The following AP2A2 variants were observed in gnomAD, a reference collection of about 807,000 sequenced individuals.
AP2A2 encodes the protein adaptor related protein complex 2 subunit alpha 2, also known as AP-2 complex subunit alpha-2.
A neutral mutation model predicts 104.2 loss-of-function variants in AP2A2; 32 were observed. That is an observed-to-expected ratio of 0.31 (90% CI 0.23 to 0.41). AP2A2 has a LOEUF of 0.41. Among genes scored for constraint, AP2A2 ranks in the 10% least tolerant of loss-of-function variants. The pLI is 1.00. For missense variants in AP2A2, 912 were observed against 1,261.0 expected (o/e 0.72, Z 4.19); for synonymous variants, 539 against 533.3 (o/e 1.01, Z -0.15).
At chr11:1,005,575 G>A (rs1856176461) in intron 16 of AP2A2, among the ~76,000 whole-genome samples, 1 of 152,250 alleles carries the variant, frequency 6.6e-6, no homozygotes, top group Admixed American at 6.5e-5. Flanking sequence ...TGTGGCTGCA[G>A]GGGCCCTGGC....
chr11:971,026 A>C lies in AP2A2; in HGVS notation c.279+715A>C, dbSNP rs370520670. 1.5e-4 allele frequency among the ~76,000 whole-genome samples: 23 copies of C among 152,350 alleles called. No individual in the cohort carries two copies. In the East Asian group the frequency reaches 1.5e-3, roughly 10 times the overall value. Reference sequence around the variant, plus strand: ...TAATATTTTCTTCCATTTGTCAAAAAATTTAACTTAGAGAAATTAAGAGAG... The same window carrying C: ...TAATATTTTCTTCCATTTGTCAAAACATTTAACTTAGAGAAATTAAGAGAG... On this transcript the variant is annotated intron_variant, in intron 3 of 21. Coordinates refer to ENST00000448903, the MANE Select transcript of AP2A2 (RefSeq NM_012305.4).
At chr11:982,534 T>C (rs1433778436) in intron 6 of AP2A2, among the ~76,000 whole-genome samples, 1 of 152,214 alleles carries the variant, frequency 6.6e-6, no homozygotes, top group East Asian at 1.9e-4. Flanking sequence ...TTTAGAATTT[T>C]GTTGTTGTCG....
intron 1 of AP2A2, chr11:933,522 G>A (rs1459655186): frequency 2.2e-6 from 1 of 456,264 alleles, no homozygotes. Flanking sequence ...GGGGGCTGAA[G>A]CTGTGTGGTA....
chr11:983,668 C>T (rs1294707319), intron 6 of AP2A2, among the ~76,000 whole-genome samples: 1 of 152,018 alleles, frequency 6.6e-6, no homozygotes, highest in Non-Finnish European at 1.5e-5. Context: ...CAGGCGGGAG[C>T]CACCGCACCT....
rs189510922 is a variant in AP2A2 at position 965,308 on chromosome 11, G to A, written c.137-4861G>A. Among the ~76,000 whole-genome samples the A allele has an allele frequency of 7.9e-5, 12 of 152,240 alleles. No homozygotes were observed. The East Asian group carries it at 2.1e-3, about 27-fold the overall frequency. On this transcript the variant is annotated intron_variant, in intron 2 of 21. Transcript: ENST00000448903. ...GAAAGAATGGAATGGGCAGGACAGCGGGAGATGTGTAGGTAACGCCAGTGT... is the reference window on the plus strand; with the variant it reads ...GAAAGAATGGAATGGGCAGGACAGCAGGAGATGTGTAGGTAACGCCAGTGT...
At chr11:975,665 C>T (rs1173976594) in intron 4 of AP2A2, among the ~76,000 whole-genome samples, 9 of 142,586 alleles carry the variant, frequency 6.3e-5, no homozygotes, top group African/African-American at 1.3e-4. Context: ...TCGTGTGAGC[C>T]GACCTCGGAG....
chr11:935,603 G>GTTTTTTTTTTTTTTT lies in AP2A2; in HGVS notation c.67+9523_67+9537dup, dbSNP rs757190222. ...AAGTGTGAGCCACTGTGCCCGGCCA[G>GTTTTTTTTTTTTTTT]TTTTTTTTTTTTTTTTTTTTTTGAG... On this transcript the variant is annotated intron_variant, in intron 1 of 21. Coordinates refer to ENST00000448903, the MANE Select transcript of AP2A2 (RefSeq NM_012305.4). 1.3e-3 allele frequency among the ~76,000 whole-genome samples: 102 copies of GTTTTTTTTTTTTTTT among 77,946 alleles called. 8 individuals carry two copies. The highest frequency in any genetic ancestry group is 6.6e-3 in the East Asian group (11 of 1,664). The allele number at this position is 77,946 out of a possible 152,430, so 51.1% of individuals were successfully genotyped here. A position where few individuals can be genotyped will look rare whatever the true frequency, so the allele number is the denominator to read the frequency against.
In AP2A2 at chr11:1,008,016, G is replaced by A; in HGVS notation, c.2301G>A (p.Leu767=). 4 of 1,557,690 alleles carry A rather than the reference G, an allele frequency of 2.6e-6. No homozygotes were observed. Among genetic ancestry groups the A allele is most frequent in the Non-Finnish European group, 3.5e-6 (4 of 1,151,254 alleles). Reference sequence around the variant, plus strand: ...TGGATTCCTTAACGCACGCACACCTGAACCTGCAGACCAAGCCCGTGGACC... The same window carrying A: ...TGGATTCCTTAACGCACGCACACCTAAACCTGCAGACCAAGCCCGTGGACC... ...LICSDDLQPN[L]NLQTKPVDPT... The change falls in exon 18 of 22, where the codon CTG becomes CTA. Residue 767 remains leucine (L), a synonymous_variant. Coordinates refer to ENST00000448903, the MANE Select transcript of AP2A2 (RefSeq NM_012305.4).
rs570397060 is a variant in AP2A2 at position 1,000,510 on chromosome 11, G to A, written c.2035G>A (p.Gly679Ser). ...CCCCGCGGGCCCCCCACCCTCCTCC[G>A]GCGGCAGCGGGCTGCTCGTGGACGT... is the stretch of plus-strand genomic sequence containing the variant. ...PAPAGPPPSS[G>S]GSGLLVDVFS... Residue 679 changes from glycine to serine, a missense_variant, in exon 15 of 22, where the codon GGC (glycine) becomes AGC (serine). Physicochemically the swap from Gly to Ser is moderately conservative, Grantham distance 56. Around this residue, in one of 7 missense-constraint regions of AP2A2, gnomAD observed 105 missense variants for 90.9 expected, o/e 1.16. Transcript: ENST00000448903. 81 of 1,540,892 alleles carry A rather than the reference G, an allele frequency of 5.3e-5. No individual in the cohort carries two copies. In the African/African-American group the frequency reaches 8.5e-4, roughly 16 times the overall value.
At chr11:1,000,714 C>T (rs1051497842) in intron 15 of AP2A2, 116 bp downstream of exon 15, 9 of 1,158,424 alleles carry the variant, frequency 7.8e-6, no homozygotes, top group Non-Finnish European at 9.5e-6. Context: ...TCCCAGATTA[C>T]TGCCTGGGGG....
At chr11:1,000,344 C>A in intron 14 of AP2A2, 88 bp from the exon 15 acceptor site, 1 of 1,351,738 alleles carries the variant, frequency 7.4e-7, no homozygotes, top group Non-Finnish European at 1.0e-6. Flanking sequence ...AAGGGGGTGC[C>A]ATGGGGGAGG....
intron 18 of AP2A2, chr11:1,008,889 T>G: frequency 1.7e-6 from 1 of 579,294 alleles, no homozygotes. Flanking sequence ...ACGTCCTGCC[T>G]GAGTATGCGG....
At chr11:994,355 C>G in intron 14 of AP2A2, 110 bp downstream of exon 14, 1 of 1,398,044 alleles carries the variant, frequency 7.2e-7, no homozygotes, top group South Asian at 1.3e-5. Context: ...AGAACCCAGG[C>G]TCTGGCTGTG....
chr11:980,859 C>T (rs1049275713), intron 5 of AP2A2, among the ~76,000 whole-genome samples: 2 of 152,238 alleles, frequency 1.3e-5, no homozygotes, highest in Non-Finnish European at 2.9e-5. Flanking sequence ...GTGCAGATGA[C>T]GGTGGAGGCC....
chr11:957,512 AT>A (rs1854278107), intron 1 of AP2A2, among the ~76,000 whole-genome samples: 3 of 152,214 alleles, frequency 2.0e-5, no homozygotes, highest in African/African-American at 7.2e-5. Flanking sequence ...AGGTCAGAGA[AT>A]TTATGGCCAG....
chr11:962,520 G>A (rs1010715736), intron 2 of AP2A2, among the ~76,000 whole-genome samples: 15 of 152,140 alleles, frequency 9.9e-5, no homozygotes, highest in African/African-American at 3.6e-4. Context: ...ATCGATTGAG[G>A]TCGGGAGTTC....
At chr11:971,999 T>C (rs1040802095) in intron 3 of AP2A2, 63 bp from the exon 4 acceptor site, 2 of 1,487,214 alleles carry the variant, frequency 1.3e-6, no homozygotes, top group Non-Finnish European at 1.8e-6. Flanking sequence ...GTTGGGTGAC[T>C]CAGGGCCACA....
chr11:998,316 G>C (rs1169599549), intron 14 of AP2A2, among the ~76,000 whole-genome samples: 1 of 113,514 alleles, frequency 8.8e-6, no homozygotes, highest in Non-Finnish European at 1.7e-5. Context: ...TCCCCATTCT[G>C]ACTCTCACCC....
Position 1,010,792 on chromosome 11 carries a change from G to A in AP2A2, c.*167G>A, listed in dbSNP as rs538401723. The A allele has an allele frequency of 3.9e-5, 27 of 689,022 alleles. No individual in the cohort carries two copies. The highest frequency in any genetic ancestry group is 1.2e-4 in the African/African-American group (7 of 57,036). 42.7% of individuals were successfully genotyped at this position (689,022 alleles called of 1,614,324 possible). On this transcript the variant is annotated 3_prime_UTR_variant, in exon 22 of 22. Transcript: ENST00000448903. ...CCCTTTGGGCTGGACGGGAACACAC[G>A]TGTGTGGCTCAGGAGGAAAAGCTCA...
Sources: allele counts gnomAD v4.1 joint callset (sites outside exome capture counted in the v4.1 genomes callset), GRCh38; gene constraint gnomAD v4.1.1; regional missense constraint gnomAD v4.1.1; transcripts MANE v1.5; gene names NCBI Gene and HGNC (gene_info 2026-07-23, HGNC 2026-07-21).